Variants in GPC5 observed in about 807,000 individuals in gnomAD.
The protein encoded by GPC5 is glypican-5.
In GPC5, 47 loss-of-function variants were observed where a neutral mutation model predicts 53.9. The observed-to-expected ratio is 0.87, with a 90% CI of 0.69 to 1.11. GPC5 has a LOEUF of 1.11. Ranked by LOEUF, GPC5 falls within the 50% of genes most tolerant of loss-of-function variation. GPC5 has a pLI of 0.00. For missense variants in GPC5, 748 were observed against 713.1 expected (o/e 1.05, Z -0.56); for synonymous variants, 286 against 263.3 (o/e 1.09, Z -0.84).
intron 5 of GPC5, among the ~76,000 whole-genome samples, chr13:91,901,441 C>A (rs1254651728): frequency 6.6e-6 from 1 of 152,026 alleles, no homozygotes; most frequent in African/African-American, 2.4e-5. Flanking sequence ...ATAAACCTGG[C>A]ACATAAAATC....
intron 1 of GPC5, among the ~76,000 whole-genome samples, chr13:91,439,165 A>G (rs1880232089): frequency 6.6e-6 from 1 of 152,178 alleles, no homozygotes; most frequent in African/African-American, 2.4e-5. Flanking sequence ...TGTGTTGGCC[A>G]GTGGTTCTCA....
intron 7 of GPC5, among the ~76,000 whole-genome samples, chr13:92,599,536 G>A (rs926235134): frequency 6.6e-6 from 1 of 152,210 alleles, no homozygotes; most frequent in East Asian, 1.9e-4. Flanking sequence ...GAGATCTGCA[G>A]TGTGTGGAAA....
At chr13:92,774,511 A>T (rs1875728388) in intron 7 of GPC5, among the ~76,000 whole-genome samples, 1 of 152,152 alleles carries the variant, frequency 6.6e-6, no homozygotes, top group Non-Finnish European at 1.5e-5. Flanking sequence ...TTCCCTGCCC[A>T]CTTGCCTATG....
At chr13:92,681,648 GT>G (rs1347457513) in intron 7 of GPC5, among the ~76,000 whole-genome samples, 1 of 152,038 alleles carries the variant, frequency 6.6e-6, no homozygotes, top group Non-Finnish European at 1.5e-5. Context: ...ACCATTTTTG[GT>G]CAGACCCTGT....
At chr13:92,277,397 G>A (rs1488099780) in intron 7 of GPC5, among the ~76,000 whole-genome samples, 1 of 151,928 alleles carries the variant, frequency 6.6e-6, no homozygotes, top group Non-Finnish European at 1.5e-5. Flanking sequence ...TAAAAGAAAG[G>A]CACTTGCATT....
intron 6 of GPC5, among the ~76,000 whole-genome samples, chr13:92,011,072 T>G (rs1456459776): frequency 3.9e-5 from 6 of 152,238 alleles, no homozygotes; most frequent in African/African-American, 1.4e-4. Context: ...TTAAAAATAC[T>G]CTTTCAATAG....
chr13:92,560,166 T>C (rs1882648713), intron 7 of GPC5, among the ~76,000 whole-genome samples: 2 of 151,986 alleles, frequency 1.3e-5, no homozygotes, highest in South Asian at 4.1e-4. Context: ...CCTATATTTA[T>C]TTTTTCAACA....
At chr13:92,511,854 G>A (rs374317459) in intron 7 of GPC5, among the ~76,000 whole-genome samples, 53 of 152,212 alleles carry the variant, frequency 3.5e-4, no homozygotes, top group African/African-American at 1.2e-3. Context: ...CACTTTACCT[G>A]TGATCATTTT....
At chr13:92,508,485 G>A (rs991291755) in intron 7 of GPC5, among the ~76,000 whole-genome samples, 10 of 152,114 alleles carry the variant, frequency 6.6e-5, no homozygotes, top group African/African-American at 2.2e-4. Flanking sequence ...CACAGATTTT[G>A]TACAATCTGA....
chr13:91,525,192 C>A (rs184473300), intron 2 of GPC5, among the ~76,000 whole-genome samples: 1 of 152,228 alleles, frequency 6.6e-6, no homozygotes, highest in Admixed American at 6.5e-5. Context: ...TTAGAGGAAT[C>A]TTACTTTTCC....
chr13:91,567,354 C>T (rs530326726), intron 2 of GPC5, among the ~76,000 whole-genome samples: 12 of 152,214 alleles, frequency 7.9e-5, no homozygotes, highest in African/African-American at 2.9e-4. Flanking sequence ...GTTCTCTACA[C>T]TTAGTGTATT....
chr13:92,810,075 C>T (rs539075101), intron 7 of GPC5, among the ~76,000 whole-genome samples: 20 of 152,128 alleles, frequency 1.3e-4, no homozygotes, highest in African/African-American at 4.3e-4. Flanking sequence ...CCCCCTTCTA[C>T]GTTAATAAAG....
chr13:91,952,195 G>C (rs1480529159), intron 6 of GPC5, among the ~76,000 whole-genome samples: 1 of 120,532 alleles, frequency 8.3e-6, no homozygotes, highest in African/African-American at 2.5e-5. Flanking sequence ...CTCTCTGTGT[G>C]TGTGTGTGTG....
intron 2 of GPC5, among the ~76,000 whole-genome samples, chr13:91,513,696 A>G (rs1327930057): frequency 1.3e-5 from 2 of 152,118 alleles, no homozygotes; most frequent in Non-Finnish European, 2.9e-5. Flanking sequence ...AGCTAAGATC[A>G]CATTGCTGCA....
intron 6 of GPC5, among the ~76,000 whole-genome samples, chr13:92,099,673 A>G (rs980550264): frequency 2.0e-5 from 3 of 152,178 alleles, no homozygotes; most frequent in African/African-American, 7.2e-5. Context: ...TCAACTGTTT[A>G]CTGAATTAAA....
chr13:91,613,724 A>G (rs747202879), intron 2 of GPC5, among the ~76,000 whole-genome samples: 12 of 152,202 alleles, frequency 7.9e-5, no homozygotes, highest in Non-Finnish European at 1.5e-4. Context: ...TTAAATCATG[A>G]CATTGAAATA....
chr13:91,687,747 A>T (rs1224877122), intron 2 of GPC5, among the ~76,000 whole-genome samples: 2 of 152,038 alleles, frequency 1.3e-5, no homozygotes, highest in African/African-American at 4.8e-5. Flanking sequence ...CACACAAAAA[A>T]TTTTATTCCT....
chr13:92,068,575 A>T (rs1314270590), intron 6 of GPC5, among the ~76,000 whole-genome samples: 1 of 151,472 alleles, frequency 6.6e-6, no homozygotes, highest in African/African-American at 2.4e-5. Context: ...AAAGCTTTCC[A>T]TATTTCCTTA....
At chr13:92,517,473 C>T (rs915999416) in intron 7 of GPC5, among the ~76,000 whole-genome samples, 1 of 152,166 alleles carries the variant, frequency 6.6e-6, no homozygotes, top group African/African-American at 2.4e-5. Context: ...GGCTGGGTAC[C>T]CCTGGGAGAT....
Sources: gnomAD v4.1 joint callset for allele counts (sites outside exome capture counted in the v4.1 genomes callset) on GRCh38, gnomAD v4.1.1 for gene constraint, MANE v1.5 for transcripts, NCBI Gene and HGNC (gene_info 2026-07-23, HGNC 2026-07-21) for gene names.